The following PLPP1 variants were observed in gnomAD, a reference collection of about 807,000 sequenced individuals.
The protein encoded by PLPP1 is phospholipid phosphatase 1.
A neutral mutation model predicts 31.2 loss-of-function variants in PLPP1; 24 were observed. That is an observed-to-expected ratio of 0.77 (90% CI 0.56 to 1.08). The LOEUF (loss-of-function observed/expected upper bound fraction) is 1.08, where lower values mean the gene tolerates loss of function less well. Ranked by LOEUF, PLPP1 falls within the 50% of genes least tolerant of loss-of-function variation. The pLI is 0.00. For missense variants in PLPP1, 319 were observed against 342.7 expected, an observed-to-expected ratio of 0.93 and a Z score of 0.55; for synonymous variants, 146 against 126.3, an observed-to-expected ratio of 1.16 and a Z score of -1.05.
At chr5:55,534,489 C>A (rs1054991137) in intron 1 of PLPP1, 83 bp downstream of exon 1, 4 of 1,380,790 alleles carry the variant, frequency 2.9e-6, no homozygotes, top group Non-Finnish European at 3.9e-6. Flanking sequence ...AGGCAACACA[C>A]CCCCGCTGCC....
chr5:55,457,665 C>T (rs1752047226), intron 3 of PLPP1, among the ~76,000 whole-genome samples: 1 of 152,040 alleles, frequency 6.6e-6, no homozygotes, highest in African/African-American at 2.4e-5. Context: ...CCAAGGTGGG[C>T]AGATCACAAG....
intron 4 of PLPP1, among the ~76,000 whole-genome samples, chr5:55,430,842 C>T (rs1318777070): frequency 6.6e-6 from 1 of 151,734 alleles, no homozygotes. Flanking sequence ...AAAAATAATA[C>T]AAAGAAATCA....
At chr5:55,429,355 C>T (rs1751288114) in intron 4 of PLPP1, among the ~76,000 whole-genome samples, 1 of 151,956 alleles carries the variant, frequency 6.6e-6, no homozygotes, top group African/African-American at 2.4e-5. Flanking sequence ...AGAGAGAATG[C>T]TGGAATTTAC....
chr5:55,425,349 AT>A lies in PLPP1; in HGVS notation c.727-16del. The A allele has an allele frequency of 6.3e-7, 1 of 1,574,918 alleles. No individual in the cohort carries two copies. Among genetic ancestry groups the A allele is most frequent in the Middle Eastern group, 1.7e-4 (1 of 5,934 alleles). ...ACATATACAGCCTACAGTGCAAAAT[AT>A]TTAATGGTATAATTTAGATCAAGTT... On this transcript the variant is annotated splice_polypyrimidine_tract_variant and intron_variant, in intron 5 of 5. Coordinates refer to ENST00000307259, the MANE Select transcript of PLPP1 (RefSeq NM_003711.4).
intron 3 of PLPP1, among the ~76,000 whole-genome samples, chr5:55,450,431 C>T (rs562204854): frequency 2.6e-5 from 4 of 152,142 alleles, no homozygotes; most frequent in South Asian, 2.1e-4. Flanking sequence ...TGCAAAAAAA[C>T]GAATCTAGAA....
intron 4 of PLPP1, among the ~76,000 whole-genome samples, chr5:55,434,709 T>C (rs944895924): frequency 1.3e-5 from 2 of 151,970 alleles, no homozygotes; most frequent in Non-Finnish European, 2.9e-5. Context: ...GCTGGGAAAA[T>C]TGGATATCCA....
chr5:55,476,616 T>C (rs1393889713), intron 1 of PLPP1, among the ~76,000 whole-genome samples: 2 of 152,140 alleles, frequency 1.3e-5, no homozygotes, highest in Admixed American at 1.3e-4. Context: ...TGAAACGCTC[T>C]CTCCCTAAGT....
intron 1 of PLPP1, among the ~76,000 whole-genome samples, chr5:55,511,447 T>C (rs1428049752): frequency 6.6e-6 from 1 of 152,122 alleles, no homozygotes; most frequent in Non-Finnish European, 1.5e-5. Flanking sequence ...AATATATGTA[T>C]ACATGCAGTA....
At chr5:55,438,899 TAAA>T (rs879769388) in intron 4 of PLPP1, among the ~76,000 whole-genome samples, 3 of 133,424 alleles carry the variant, frequency 2.2e-5, no homozygotes, top group Non-Finnish European at 4.9e-5. Flanking sequence ...AGACTCCGTC[TAAA>T]AAAAAAAAAA....
chr5:55,431,143 AT>A (rs2111669760), intron 4 of PLPP1, among the ~76,000 whole-genome samples: 1 of 152,340 alleles, frequency 6.6e-6, no homozygotes, highest in East Asian at 1.9e-4. Context: ...AACCTATTTG[AT>A]TAAGTAATAC....
chr5:55,509,550 G>A (rs571503736), intron 1 of PLPP1, among the ~76,000 whole-genome samples: 89 of 152,258 alleles, frequency 5.8e-4, no homozygotes, highest in Middle Eastern at 6.8e-3. Flanking sequence ...TAGGATATAA[G>A]TGACACTTAC....
intron 1 of PLPP1, among the ~76,000 whole-genome samples, chr5:55,495,093 T>C (rs1049706784): frequency 6.7e-5 from 10 of 148,766 alleles, no homozygotes; most frequent in African/African-American, 2.2e-4. Context: ...ATGGCGCCAT[T>C]GCACTCCAGC....
intron 1 of PLPP1, among the ~76,000 whole-genome samples, chr5:55,497,518 G>A (rs1753028493): frequency 6.6e-6 from 1 of 150,714 alleles, no homozygotes. Flanking sequence ...CTCCCAAAGT[G>A]CTGGGATTAC....
intron 1 of PLPP1, among the ~76,000 whole-genome samples, chr5:55,487,205 A>G (rs1300748971): frequency 6.6e-6 from 1 of 152,148 alleles, no homozygotes; most frequent in Non-Finnish European, 1.5e-5. Flanking sequence ...TAGACAAAGT[A>G]TATTATTCAT....
intron 1 of PLPP1, chr5:55,530,081 A>C: frequency 3.9e-6 from 3 of 777,208 alleles, no homozygotes; most frequent in Non-Finnish European, 6.8e-6. Flanking sequence ...CAAGTTACTG[A>C]AACGGTGACT....
At chr5:55,466,720 GAAAAGAAAAA>G (rs1419575641) in intron 3 of PLPP1, among the ~76,000 whole-genome samples, 1 of 150,374 alleles carries the variant, frequency 6.7e-6, no homozygotes, top group Non-Finnish European at 1.5e-5. Flanking sequence ...AGAAAAAAAG[GAAAAGAAAAA>G]AAAAATTGAA....
chr5:55,425,289 C>A lies in PLPP1; in HGVS notation c.772G>T (p.Glu258Ter). ...GTATGAGAGTCCTCCTCTTTTCTTT[C>A]TTTAAAAGAAGTTCTTTCTTTGAAG... ...DFFKERTSFK[E>*]RKEEDSHTTL... The change falls in exon 6 of 6, where the codon GAA (glutamate) becomes TAA (stop). Residue 258 changes from glutamate to a stop codon, truncating the protein, a stop_gained. Transcript: ENST00000307259. LOFTEE classifies it high-confidence loss of function. The A allele has an allele frequency of 6.2e-7, 1 of 1,609,866 alleles. No homozygotes were observed. Among genetic ancestry groups the A allele is most frequent in the Non-Finnish European group, 8.5e-7 (1 of 1,176,610 alleles).
intron 1 of PLPP1, among the ~76,000 whole-genome samples, chr5:55,521,301 G>A (rs996999739): frequency 5.6e-4 from 84 of 151,258 alleles, no homozygotes; most frequent in Non-Finnish European, 7.8e-4. Context: ...GCAGTGAGCC[G>A]AGATTGCGCC....
intron 5 of PLPP1, 192 bp downstream of exon 5, chr5:55,425,671 C>A (rs230751): frequency 0.88 from 444,816 of 504,594 alleles, 196,989 homozygotes; most frequent in South Asian, 0.92. Flanking sequence ...TTTTACAAAA[C>A]TACTAAGTTT....
Sources: allele counts gnomAD v4.1 joint callset (sites outside exome capture counted in the v4.1 genomes callset), GRCh38; gene constraint gnomAD v4.1.1; transcripts MANE v1.5; gene names NCBI Gene and HGNC (gene_info 2026-07-23, HGNC 2026-07-21).